The following UNC5D variants were observed in gnomAD, a reference collection of about 807,000 sequenced individuals.
UNC5D encodes unc-5 netrin receptor D.
In UNC5D, 39 loss-of-function variants were observed where a neutral mutation model predicts 105.4. The observed-to-expected ratio is 0.37, with a 90% confidence interval of 0.29 to 0.48. The LOEUF is 0.48. UNC5D is among the 20% of genes least tolerant of loss of function. The pLI, the probability that UNC5D is intolerant of heterozygous loss-of-function variation, is 0.98. For synonymous variants in UNC5D, 452 were observed against 450.4 expected, an observed-to-expected ratio of 1.00 and a Z score of -0.04; for missense variants, 991 against 1,202.4, an observed-to-expected ratio of 0.82 and a Z score of 2.60.
intron 1 of UNC5D, among the ~76,000 whole-genome samples, chr8:35,444,394 CTTCTT>C (rs1331679504): frequency 6.6e-6 from 1 of 151,974 alleles, no homozygotes; most frequent in Non-Finnish European, 1.5e-5. Context: ...CTATTGCAGA[CTTCTT>C]TTCTTTCTTT....
intron 11 of UNC5D, among the ~76,000 whole-genome samples, chr8:35,737,289 TG>T (rs750218261): frequency 4.3e-4 from 65 of 150,166 alleles, no homozygotes; most frequent in Admixed American, 1.1e-3. Context: ...TGTGTGTGTG[TG>T]TGTGTGTGTG....
chr8:35,570,386 G>T, intron 3 of UNC5D, among the ~76,000 whole-genome samples: 1 of 152,144 alleles, frequency 6.6e-6, no homozygotes, highest in East Asian at 1.9e-4. Context: ...CTGGTTCATA[G>T]AATTATTTTC....
At chr8:35,548,081 ATG>A (rs1815831204) in intron 1 of UNC5D, among the ~76,000 whole-genome samples, 2 of 152,140 alleles carry the variant, frequency 1.3e-5, no homozygotes, top group Non-Finnish European at 2.9e-5. Flanking sequence ...AGCTGATTAG[ATG>A]GTACCCACCT....
Position 35,759,395 on chromosome 8 carries a change from A to G in UNC5D, c.2239A>G (p.Thr747Ala). The stretch of plus-strand genomic sequence containing the variant: ...AAAATTGCTGCATTTCAAAGGGAAT[A>G]CCTTTAGTCTTCAGATTTCTGTCCT... ...EPKLLHFKGNTFSLQISVLDI... is the reference protein window; with the variant it reads ...EPKLLHFKGNAFSLQISVLDI... The change falls in exon 14 of 17, where the codon ACC (threonine) becomes GCC (alanine). Residue 747 changes from threonine to alanine, a missense_variant. By Grantham distance (58) the Thr-to-Ala change is moderately conservative. Around this residue, in one of 3 missense-constraint regions of UNC5D, gnomAD observed 944 missense variants for 1,131.6 expected, o/e 0.83. Transcript: ENST00000404895. The G allele has an allele frequency of 6.2e-7, 1 of 1,614,080 alleles. No homozygotes were observed. The highest frequency in any genetic ancestry group is 8.5e-7 in the Non-Finnish European group (1 of 1,179,950).
At chr8:35,778,357 C>T (rs922873389) in intron 16 of UNC5D, among the ~76,000 whole-genome samples, 2 of 152,086 alleles carry the variant, frequency 1.3e-5, no homozygotes, top group African/African-American at 2.4e-5. Context: ...AGTACTGTCC[C>T]GAAGACAACA....
intron 1 of UNC5D, among the ~76,000 whole-genome samples, chr8:35,506,717 T>C (rs998916643): frequency 3.9e-5 from 6 of 152,146 alleles, no homozygotes; most frequent in Non-Finnish European, 7.3e-5. Flanking sequence ...AGAGCACTGA[T>C]TGAATACTTT....
intron 4 of UNC5D, among the ~76,000 whole-genome samples, chr8:35,662,521 CAGGGAA>C (rs1185651979): frequency 1.3e-5 from 2 of 152,066 alleles, no homozygotes; most frequent in Non-Finnish European, 1.5e-5. Flanking sequence ...TAAACACTGT[CAGGGAA>C]AGGGAAAGGG....
chr8:35,333,717 T>C (rs1315707743), intron 1 of UNC5D, among the ~76,000 whole-genome samples: 2 of 152,144 alleles, frequency 1.3e-5, no homozygotes, highest in African/African-American at 4.8e-5. Context: ...TGACCTCAGG[T>C]GATCCACTAG....
At chr8:35,448,144 T>A (rs900179093) in intron 1 of UNC5D, among the ~76,000 whole-genome samples, 3 of 152,088 alleles carry the variant, frequency 2.0e-5, no homozygotes, top group African/African-American at 7.2e-5. Context: ...GTTAAAAAAA[T>A]ATATATTCTA....
At chr8:35,751,131 G>A (rs1830262995) in intron 13 of UNC5D, among the ~76,000 whole-genome samples, 1 of 152,114 alleles carries the variant, frequency 6.6e-6, no homozygotes, top group African/African-American at 2.4e-5. Flanking sequence ...AGGTGGGAGT[G>A]CTGACTGGTT....
intron 1 of UNC5D, among the ~76,000 whole-genome samples, chr8:35,284,813 C>T (rs1423218916): frequency 2.0e-5 from 3 of 152,168 alleles, no homozygotes; most frequent in Non-Finnish European, 2.9e-5. Context: ...CCGCCTGCCT[C>T]AGCTTCCCAA....
At chr8:35,700,599 A>G (rs1406596179) in intron 7 of UNC5D, among the ~76,000 whole-genome samples, 2 of 152,202 alleles carry the variant, frequency 1.3e-5, no homozygotes, top group East Asian at 3.9e-4. Flanking sequence ...TGGAGTCAGG[A>G]AACTTTTCTG....
At chr8:35,695,835 A>G (rs1281018065) in intron 7 of UNC5D, among the ~76,000 whole-genome samples, 1 of 151,880 alleles carries the variant, frequency 6.6e-6, no homozygotes, top group Non-Finnish European at 1.5e-5. Context: ...TCTGGGTTCA[A>G]GCAATTATCC....
intron 1 of UNC5D, among the ~76,000 whole-genome samples, chr8:35,483,454 A>G (rs1241707502): frequency 2.0e-5 from 3 of 152,182 alleles, no homozygotes; most frequent in African/African-American, 4.8e-5. Context: ...CATGTTCTGT[A>G]TATTTCATAC....
chr8:35,483,157 C>A (rs1265280247), intron 1 of UNC5D, among the ~76,000 whole-genome samples: 3 of 151,838 alleles, frequency 2.0e-5, no homozygotes, highest in Non-Finnish European at 4.4e-5. Flanking sequence ...TAGAGAGACT[C>A]TGGGCATTGG....
intron 1 of UNC5D, among the ~76,000 whole-genome samples, chr8:35,316,611 G>A (rs528968822): frequency 1.1e-3 from 170 of 152,208 alleles, no homozygotes; most frequent in Middle Eastern, 3.4e-3. Flanking sequence ...AATGGAAGGG[G>A]GATTTTGTTA....
intron 4 of UNC5D, among the ~76,000 whole-genome samples, chr8:35,604,204 G>A (rs756670835): frequency 6.6e-6 from 1 of 152,078 alleles, no homozygotes; most frequent in Non-Finnish European, 1.5e-5. Flanking sequence ...TCCATGTTTA[G>A]TGCTTCATTC....
At chr8:35,401,626 G>A (rs986186386) in intron 1 of UNC5D, among the ~76,000 whole-genome samples, 1 of 152,100 alleles carries the variant, frequency 6.6e-6, no homozygotes, top group Non-Finnish European at 1.5e-5. Context: ...AGAGGAAAGG[G>A]TACACTGCTT....
chr8:35,719,539 G>T (rs904599602), intron 8 of UNC5D, among the ~76,000 whole-genome samples: 1 of 152,110 alleles, frequency 6.6e-6, no homozygotes, highest in Non-Finnish European at 1.5e-5. Context: ...TTGAGGACTC[G>T]TGTATACCTC....
Sources: gnomAD v4.1 joint callset for allele counts (sites outside exome capture counted in the v4.1 genomes callset) on GRCh38, gnomAD v4.1.1 for gene constraint, gnomAD v4.1.1 regional missense constraint, MANE v1.5 for transcripts, NCBI Gene and HGNC (gene_info 2026-07-23, HGNC 2026-07-21) for gene names.